Variants in USH2A observed in about 807,000 individuals in gnomAD.
USH2A encodes usherin.
A neutral mutation model predicts 538.9 loss-of-function variants in USH2A; 443 were observed. The ratio of observed to expected loss-of-function variants is 0.82; its 90% confidence interval spans 0.76 to 0.89. The LOEUF (loss-of-function observed/expected upper bound fraction) is 0.89. USH2A is among the 40% of genes least tolerant of loss of function. The pLI is 0.00. For missense variants in USH2A, 6,633 were observed against 6,324.8 expected (o/e 1.05, Z -1.65); for synonymous variants, 2,413 against 2,273.5 (o/e 1.06, Z -1.75).
rs1448504576 is a variant in USH2A, at chr1:216,070,113, T to C, written c.6037A>G (p.Ser2013Gly). ...PSASAEFVNT[S>G]NLTGILTGLL... is the part of the protein sequence containing the mutation. ...GGATTGCATTTACCTGTGAGGTTGC[T>C]TGTATTGACAAATTCAGCACTGGCA... The change falls in exon 30 of 72, where the codon AGC (serine) becomes GGC (glycine). Residue 2013 changes from serine to glycine, a missense_variant. Transcript: ENST00000307340. 1.2e-6 allele frequency: 2 copies of C among 1,613,984 alleles called. No individual in the cohort carries two copies. The highest frequency in any genetic ancestry group is 1.7e-5 in the Admixed American group (1 of 60,010).
At chr1:215,630,416 GTATA>G (rs1189527571) in intron 70 of USH2A, among the ~76,000 whole-genome samples, 1 of 147,160 alleles carries the variant, frequency 6.8e-6, no homozygotes, top group Non-Finnish European at 1.5e-5. Context: ...ATATGTGTGT[GTATA>G]TATATGTGTG....
At chr1:216,221,065 G>A (rs997363851) in intron 14 of USH2A, among the ~76,000 whole-genome samples, 1 of 152,146 alleles carries the variant, frequency 6.6e-6, no homozygotes, top group Non-Finnish European at 1.5e-5. Flanking sequence ...CTAGCACACA[G>A]TAAGGATTCA....
intron 37 of USH2A, among the ~76,000 whole-genome samples, chr1:215,936,303 C>CA (rs1161566671): frequency 6.6e-6 from 1 of 151,870 alleles, no homozygotes; most frequent in African/African-American, 2.4e-5. Context: ...GTATAGTATA[C>CA]AAAATGCAAG....
intron 50 of USH2A, among the ~76,000 whole-genome samples, chr1:215,792,556 A>C (rs1662010117): frequency 6.6e-6 from 1 of 152,220 alleles, no homozygotes; most frequent in Non-Finnish European, 1.5e-5. Context: ...ATTTTTATGC[A>C]GCATTTTCTG....
intron 58 of USH2A, among the ~76,000 whole-genome samples, chr1:215,751,906 C>A (rs1351090800): frequency 1.3e-5 from 2 of 152,158 alleles, no homozygotes; most frequent in Non-Finnish European, 2.9e-5. Flanking sequence ...AAACATTGTG[C>A]AGCTTGCCCA....
At chr1:215,922,880 A>G (rs1288238455) in intron 38 of USH2A, among the ~76,000 whole-genome samples, 1 of 152,100 alleles carries the variant, frequency 6.6e-6, no homozygotes, top group Admixed American at 6.6e-5. Context: ...CACAAGAGTT[A>G]TTACTAGAAC....
At chr1:216,374,859 C>T (rs1418274980) in intron 3 of USH2A, among the ~76,000 whole-genome samples, 1 of 151,970 alleles carries the variant, frequency 6.6e-6, no homozygotes, top group Admixed American at 6.6e-5. Context: ...TTGTACTTCC[C>T]CACCACAGCC....
At chr1:215,887,439 C>T (rs1665089069) in intron 41 of USH2A, among the ~76,000 whole-genome samples, 1 of 152,104 alleles carries the variant, frequency 6.6e-6, no homozygotes, top group African/African-American at 2.4e-5. Context: ...CTTTACATTG[C>T]TCAGTTCATA....
intron 64 of USH2A, among the ~76,000 whole-genome samples, chr1:215,651,422 A>G (rs1657077438): frequency 6.6e-6 from 1 of 152,242 alleles, no homozygotes; most frequent in Non-Finnish European, 1.5e-5. Flanking sequence ...ATAATAGCCA[A>G]CTACACAGTG....
chr1:216,149,716 C>T (rs1274037400), intron 21 of USH2A, among the ~76,000 whole-genome samples: 1 of 152,138 alleles, frequency 6.6e-6, no homozygotes, highest in Non-Finnish European at 1.5e-5. Flanking sequence ...CTTCTCTTGC[C>T]TACTCCAGAT....
intron 11 of USH2A, among the ~76,000 whole-genome samples, chr1:216,260,593 A>G (rs771142930): frequency 6.6e-6 from 1 of 152,186 alleles, no homozygotes; most frequent in Non-Finnish European, 1.5e-5. Flanking sequence ...GAATAGCCAT[A>G]GTGCCAAGGT....
At chr1:215,640,843 A>AC (rs1656659584) in intron 67 of USH2A, 109 bp from the exon 68 acceptor site, 1 of 733,392 alleles carries the variant, frequency 1.4e-6, no homozygotes, top group African/African-American at 3.0e-5. Context: ...ACCAATCCAA[A>AC]CAAAAAAAAA....
intron 56 of USH2A, among the ~76,000 whole-genome samples, chr1:215,765,848 G>C (rs1253433588): frequency 6.6e-6 from 1 of 152,048 alleles, no homozygotes; most frequent in Non-Finnish European, 1.5e-5. Flanking sequence ...TCCACAATAT[G>C]AGAATAGCTG....
At chr1:216,217,677 T>TTA in intron 14 of USH2A, 127 bp from the exon 15 acceptor site, 1 of 1,079,062 alleles carries the variant, frequency 9.3e-7, no homozygotes, top group South Asian at 1.4e-5. Context: ...TTGAAAAGAA[T>TTA]GCTTGAGCTA....
At chr1:215,880,385 A>G (rs1250641400) in intron 41 of USH2A, among the ~76,000 whole-genome samples, 1 of 152,190 alleles carries the variant, frequency 6.6e-6, no homozygotes, top group Non-Finnish European at 1.5e-5. Flanking sequence ...GGTAATTTAT[A>G]ATTAACAATG....
chr1:215,717,095 G>A (rs1659508094), intron 61 of USH2A, among the ~76,000 whole-genome samples: 2 of 152,152 alleles, frequency 1.3e-5, no homozygotes, highest in South Asian at 2.1e-4. Context: ...TTTGTCTATG[G>A]AGGGGAATTC....
chr1:216,333,026 G>T (rs1450948073), intron 4 of USH2A, among the ~76,000 whole-genome samples: 3 of 151,996 alleles, frequency 2.0e-5, no homozygotes, highest in African/African-American at 4.8e-5. Context: ...ACCAGACAAA[G>T]ACTTTAAATC....
At chr1:215,859,206 T>C (rs1664251774) in intron 44 of USH2A, among the ~76,000 whole-genome samples, 1 of 152,216 alleles carries the variant, frequency 6.6e-6, no homozygotes, top group Admixed American at 6.5e-5. Flanking sequence ...GGTCCATTTA[T>C]AAAGGGACTT....
chr1:216,088,039 G>C (rs1445207360), intron 23 of USH2A, among the ~76,000 whole-genome samples: 1 of 152,118 alleles, frequency 6.6e-6, no homozygotes, highest in African/African-American at 2.4e-5. Flanking sequence ...CTTATGTCAT[G>C]TCATTAGCTC....
Sources: allele counts gnomAD v4.1 joint callset (sites outside exome capture counted in the v4.1 genomes callset), GRCh38; gene constraint gnomAD v4.1.1; transcripts MANE v1.5; gene names NCBI Gene and HGNC (gene_info 2026-07-23, HGNC 2026-07-21).